PCBD2: variants seen among roughly 807,000 people sequenced by gnomAD.
The protein encoded by PCBD2 is pterin-4-alpha-carbinolamine dehydratase 2.
PCBD2 carries 12 observed loss-of-function variants against 16.4 expected under a neutral mutation model. The ratio of observed to expected loss-of-function variants is 0.73; its 90% CI spans 0.47 to 1.19. The LOEUF (loss-of-function observed/expected upper bound fraction) is 1.19, where lower values mean the gene tolerates loss of function less well. PCBD2 is among the 50% of genes most tolerant of loss of function. The pLI is 0.00. For synonymous variants in PCBD2, 58 were observed against 61.8 expected (o/e 0.94, Z 0.29); for missense variants, 138 against 156.8 (o/e 0.88, Z 0.64).
chr5:134,906,194 ATTTTT>A (rs1158334317), intron 1 of PCBD2, among the ~76,000 whole-genome samples: 43 of 66,522 alleles, frequency 6.5e-4, no homozygotes, highest in African/African-American at 2.3e-3. Flanking sequence ...TAATAGAAGA[ATTTTT>A]TTTTTTTTTT....
intron 2 of PCBD2, among the ~76,000 whole-genome samples, chr5:134,951,209 C>T (rs2149539727): frequency 6.6e-6 from 1 of 152,304 alleles, no homozygotes; most frequent in African/African-American, 2.4e-5. Flanking sequence ...CTTGTATATC[C>T]TTCCAGAGAT....
At chr5:134,935,687 T>C (rs1295679051) in intron 2 of PCBD2, among the ~76,000 whole-genome samples, 1 of 152,270 alleles carries the variant, frequency 6.6e-6, no homozygotes, top group East Asian at 1.9e-4. Context: ...ATTAAAAGTA[T>C]AAGTTCAACT....
intron 1 of PCBD2, among the ~76,000 whole-genome samples, 187 bp from the exon 2 acceptor site, chr5:134,910,148 A>G (rs1750748774): frequency 6.6e-6 from 1 of 152,220 alleles, no homozygotes; most frequent in African/African-American, 2.4e-5. Flanking sequence ...GTGACATGCC[A>G]TGGAGGCAGC....
intron 2 of PCBD2, among the ~76,000 whole-genome samples, chr5:134,922,292 G>C (rs559955603): frequency 2.6e-5 from 4 of 152,236 alleles, no homozygotes; most frequent in South Asian, 4.1e-4. Context: ...CGATCCTCCT[G>C]CCTCAGTCTC....
At chr5:134,942,261 G>A (rs1751239118) in intron 2 of PCBD2, among the ~76,000 whole-genome samples, 2 of 151,930 alleles carry the variant, frequency 1.3e-5, no homozygotes, top group Non-Finnish European at 2.9e-5. Flanking sequence ...CACACATGGA[G>A]GCTTTGGAGC....
chr5:134,941,792 T>TA (rs565113567), intron 2 of PCBD2, among the ~76,000 whole-genome samples: 15 of 152,234 alleles, frequency 9.9e-5, no homozygotes, highest in Non-Finnish European at 1.8e-4. Context: ...TAAAACCTGT[T>TA]ATACTTTATC....
At chr5:134,928,124 G>A in intron 2 of PCBD2, 1 of 392,556 alleles carries the variant, frequency 2.5e-6, no homozygotes, top group South Asian at 1.3e-4. Context: ...TGCCTTGCAG[G>A]CAGCAAAGAC....
intron 2 of PCBD2, among the ~76,000 whole-genome samples, chr5:134,936,067 A>C (rs1477820260): frequency 6.6e-6 from 1 of 152,266 alleles, no homozygotes; most frequent in Non-Finnish European, 1.5e-5. Context: ...ATTATAATTT[A>C]ATATGTTACC....
intron 1 of PCBD2, among the ~76,000 whole-genome samples, chr5:134,908,163 C>G (rs1298345690): frequency 6.6e-6 from 1 of 151,530 alleles, no homozygotes; most frequent in Non-Finnish European, 1.5e-5. Flanking sequence ...CTAAAATGAT[C>G]CTCCCACCTC....
chr5:134,906,834 C>T (rs1274926965), intron 1 of PCBD2, among the ~76,000 whole-genome samples: 1 of 152,214 alleles, frequency 6.6e-6, no homozygotes, highest in Non-Finnish European at 1.5e-5. Context: ...CTAAAAGTAA[C>T]AAAGTTAGGC....
rs565389679 is a variant in PCBD2, at chr5:134,923,703, C to T, written c.216+13237C>T. On this transcript the variant is annotated intron_variant, in intron 2 of 3. Coordinates refer to ENST00000254908, the MANE Select transcript of PCBD2 (RefSeq NM_032151.5). ...TATAGTTGTAAGTAGGAGGATGATG[C>T]CAATGTTTCAGGTTTCTAGGTAAAG... is the stretch of plus-strand genomic sequence containing the variant. The T allele has an allele frequency of 3.0e-4, 116 of 385,754 alleles. No homozygotes were observed. In the South Asian group the frequency reaches 4.4e-3, roughly 15 times the overall value. The allele number at this position is 385,754 out of a possible 1,614,324, so 23.9% of individuals were successfully genotyped here.
chr5:134,936,737 A>G (rs1450089024), intron 2 of PCBD2, among the ~76,000 whole-genome samples: 1 of 152,156 alleles, frequency 6.6e-6, no homozygotes, highest in Non-Finnish European at 1.5e-5. Flanking sequence ...TACCTTTAAG[A>G]TCCCCGAATT....
intron 2 of PCBD2, chr5:134,925,722 T>C: frequency 2.5e-6 from 1 of 396,356 alleles, no homozygotes; most frequent in South Asian, 1.3e-4. Flanking sequence ...TTGAGTGGAG[T>C]AGGGCTGAGA....
chr5:134,925,586 C>T (rs552919103), intron 2 of PCBD2: 15 of 397,958 alleles, frequency 3.8e-5, no homozygotes, highest in South Asian at 1.3e-4. Flanking sequence ...TGTGTAAGGG[C>T]GCAGACTGCT....
intron 2 of PCBD2, among the ~76,000 whole-genome samples, chr5:134,951,622 G>C (rs1256875817): frequency 6.6e-6 from 1 of 152,184 alleles, no homozygotes; most frequent in Non-Finnish European, 1.5e-5. Context: ...TTCACCAGCA[G>C]CATGTGAGAA....
At chr5:134,940,510 C>G (rs73284714) in intron 2 of PCBD2, among the ~76,000 whole-genome samples, 2,212 of 152,000 alleles carry the variant, frequency 0.015, 57 homozygotes, top group African/African-American at 0.051. Flanking sequence ...TCTCAGAACA[C>G]CAGGGTAGGA....
intron 2 of PCBD2, among the ~76,000 whole-genome samples, chr5:134,933,512 A>G (rs1751122603): frequency 6.6e-6 from 1 of 152,230 alleles, no homozygotes; most frequent in African/African-American, 2.4e-5. Flanking sequence ...CTGGGACTGT[A>G]GGCATGAGCC....
chr5:134,910,529 T>C lies in PCBD2; in HGVS notation c.216+63T>C, dbSNP rs1750756089. 9.7e-6 allele frequency: 15 copies of C among 1,547,822 alleles called. 1 individual carries two copies. The Admixed American group carries it at 2.7e-4, about 27-fold the overall frequency. Reference sequence around the variant, plus strand: ...TTTAGTCACCTTAGGCCATAACACTTTCTGATTCTGCCAGTTGTCTGGTCC... The same window carrying C: ...TTTAGTCACCTTAGGCCATAACACTCTCTGATTCTGCCAGTTGTCTGGTCC... On this transcript the variant is annotated intron_variant, in intron 2 of 3. Coordinates refer to ENST00000254908, the MANE Select transcript of PCBD2 (RefSeq NM_032151.5).
At chr5:134,905,277 G>A in intron 1 of PCBD2, 54 bp downstream of exon 1, 9 of 1,211,972 alleles carry the variant, frequency 7.4e-6, no homozygotes, top group Non-Finnish European at 9.3e-6. Context: ...GGCGGTGCGA[G>A]GCCCGGCGGC....
Sources: gnomAD v4.1 joint callset for allele counts (sites outside exome capture counted in the v4.1 genomes callset) on GRCh38, gnomAD v4.1.1 for gene constraint, MANE v1.5 for transcripts, NCBI Gene and HGNC (gene_info 2026-07-23, HGNC 2026-07-21) for gene names.